Variants in USH2A observed in about 807,000 individuals in gnomAD.
USH2A encodes usherin, also known as Usher syndrome 2A (autosomal recessive, mild).
A neutral mutation model predicts 538.9 loss-of-function variants in USH2A; 443 were observed. The ratio of observed to expected loss-of-function variants is 0.82; its 90% CI spans 0.76 to 0.89. The LOEUF (loss-of-function observed/expected upper bound fraction) is 0.89, where lower values mean the gene tolerates loss of function less well. USH2A is among the 40% of genes least tolerant of loss of function. USH2A has a pLI of 0.00. For missense variants in USH2A, 6,633 were observed against 6,324.8 expected (o/e 1.05, Z -1.65); for synonymous variants, 2,413 against 2,273.5 (o/e 1.06, Z -1.75).
chr1:216,292,451 C>T, intron 9 of USH2A, 81 bp from the exon 10 acceptor site: 2 of 1,446,356 alleles, frequency 1.4e-6, no homozygotes, highest in South Asian at 2.4e-5. Flanking sequence ...GGCCTTTCAC[C>T]AGAAGTAAAG....
intron 38 of USH2A, among the ~76,000 whole-genome samples, chr1:215,927,181 A>C (rs1330524526): frequency 3.3e-5 from 5 of 152,128 alleles, no homozygotes; most frequent in African/African-American, 1.2e-4. Flanking sequence ...TGCTTTGAAA[A>C]ACTTTCAGTG....
intron 21 of USH2A, among the ~76,000 whole-genome samples, chr1:216,142,933 T>C (rs755516627): frequency 6.6e-6 from 1 of 152,192 alleles, no homozygotes; most frequent in Non-Finnish European, 1.5e-5. Context: ...TGTTGACTAA[T>C]GAGAAAAATA....
intron 21 of USH2A, among the ~76,000 whole-genome samples, chr1:216,127,930 A>C (rs537874740): frequency 3.2e-4 from 48 of 152,272 alleles, no homozygotes; most frequent in African/African-American, 1.1e-3. Flanking sequence ...TGCTGATTAG[A>C]AGTCAGATGT....
chr1:216,196,533 T>C lies in USH2A; in HGVS notation c.4251+20A>G. 6.2e-7 allele frequency: 1 copy of C among 1,612,906 alleles called. No homozygotes were observed. The highest frequency in any genetic ancestry group is 8.5e-7 in the Non-Finnish European group (1 of 1,179,246). ...GCCCTAAGCCAATTCTGAAAGGACA[T>C]TAGTTAAAAATAACAATACCTGTGA... On this transcript the variant is annotated intron_variant, in intron 19 of 71. Transcript: ENST00000307340.
chr1:216,215,884 T>C (rs1374092897), intron 15 of USH2A, among the ~76,000 whole-genome samples: 5 of 152,056 alleles, frequency 3.3e-5, no homozygotes, highest in Non-Finnish European at 1.5e-5. Context: ...TACTAAGAGT[T>C]GTAGGCTAGC....
chr1:215,866,113 T>G (rs562290399), intron 44 of USH2A, among the ~76,000 whole-genome samples: 22 of 152,302 alleles, frequency 1.4e-4, no homozygotes, highest in African/African-American at 5.1e-4. Flanking sequence ...CAGGTATTTC[T>G]CAATATTTGG....
chr1:215,963,429 C>G (rs573166621), intron 37 of USH2A, among the ~76,000 whole-genome samples: 9 of 152,212 alleles, frequency 5.9e-5, no homozygotes, highest in African/African-American at 1.4e-4. Flanking sequence ...TTTCCAACCC[C>G]TGAGTTGAAC....
chr1:216,394,606 C>T (rs1034602991), intron 3 of USH2A, among the ~76,000 whole-genome samples: 1 of 151,802 alleles, frequency 6.6e-6, no homozygotes, highest in Non-Finnish European at 1.5e-5. Flanking sequence ...CTTTCAAAAT[C>T]ATCACAGGAA....
intron 32 of USH2A, among the ~76,000 whole-genome samples, chr1:216,014,275 TGA>T (rs946539168): frequency 6.6e-6 from 1 of 151,888 alleles, no homozygotes; most frequent in Non-Finnish European, 1.5e-5. Context: ...ATGAATGGAA[TGA>T]GAGAGTTTTT....
At chr1:215,988,810 G>A (rs193186444) in intron 35 of USH2A, among the ~76,000 whole-genome samples, 1 of 152,290 alleles carries the variant, frequency 6.6e-6, no homozygotes, top group Admixed American at 6.5e-5. Flanking sequence ...CAGGGCTCAT[G>A]AAGTATGTAC....
intron 9 of USH2A, among the ~76,000 whole-genome samples, chr1:216,292,711 T>C (rs1046394178): frequency 1.8e-4 from 27 of 152,038 alleles, no homozygotes; most frequent in African/African-American, 5.3e-4. Context: ...TCTTGGAAAA[T>C]GCGACATCTA....
chr1:215,877,633 C>G (rs1664803931), intron 43 of USH2A, 125 bp downstream of exon 43: 1 of 1,452,368 alleles, frequency 6.9e-7, no homozygotes, highest in East Asian at 2.3e-5. Context: ...CAGATAATAA[C>G]CAAACATGTT....
At chr1:216,067,557 G>GA in intron 30 of USH2A, among the ~76,000 whole-genome samples, 1 of 151,254 alleles carries the variant, frequency 6.6e-6, no homozygotes, top group South Asian at 2.1e-4. Context: ...CCAGGAAAAA[G>GA]ATGGTAGTAG....
At chr1:216,184,971 C>T (rs2034569640) in intron 20 of USH2A, among the ~76,000 whole-genome samples, 1 of 151,878 alleles carries the variant, frequency 6.6e-6, no homozygotes, top group Non-Finnish European at 1.5e-5. Flanking sequence ...CACATTGTCC[C>T]TTCAGGAATG....
At chr1:215,788,915 C>CCAAAACAAAACAAAACAAAACAAAA (rs142498202) in intron 51 of USH2A, among the ~76,000 whole-genome samples, 17 of 149,430 alleles carry the variant, frequency 1.1e-4, no homozygotes, top group African/African-American at 3.2e-4. Flanking sequence ...AACTTGGAAT[C>CCAAAACAAAACAAAACAAAACAAAA]CAAAACAAAA....
intron 3 of USH2A, among the ~76,000 whole-genome samples, chr1:216,405,285 T>C (rs1340686945): frequency 6.6e-6 from 1 of 152,208 alleles, no homozygotes; most frequent in East Asian, 1.9e-4. Context: ...GAAAGATTGA[T>C]AAATTGGACC....
chr1:215,724,001 C>A (rs1659737004), intron 61 of USH2A, among the ~76,000 whole-genome samples: 1 of 152,108 alleles, frequency 6.6e-6, no homozygotes, highest in Non-Finnish European at 1.5e-5. Context: ...TATTACGGCA[C>A]TATTCACAAT....
chr1:216,190,060 C>T (rs1042040180), intron 20 of USH2A, among the ~76,000 whole-genome samples, 163 bp downstream of exon 20: 1 of 151,808 alleles, frequency 6.6e-6, no homozygotes, highest in Non-Finnish European at 1.5e-5. Flanking sequence ...CTTTAAGTTA[C>T]GTTTTGGTTG....
At chr1:216,334,262 G>A (rs574238883) in intron 4 of USH2A, among the ~76,000 whole-genome samples, 3 of 151,924 alleles carry the variant, frequency 2.0e-5, no homozygotes, top group Non-Finnish European at 4.4e-5. Context: ...TTAAAATTAA[G>A]TTGGTATTAA....
Sources: gnomAD v4.1 joint callset for allele counts (sites outside exome capture counted in the v4.1 genomes callset) on GRCh38, gnomAD v4.1.1 for gene constraint, MANE v1.5 for transcripts, NCBI Gene and HGNC (gene_info 2026-07-23, HGNC 2026-07-21) for gene names.